Variants in OSTM1 observed in about 807,000 individuals in gnomAD.
OSTM1 encodes the protein osteoclastogenesis associated transmembrane protein 1.
A neutral mutation model predicts 35.4 loss-of-function variants in OSTM1; 26 were observed. That is an observed-to-expected ratio of 0.73 (90% confidence interval 0.54 to 1.02). The LOEUF is 1.02. Among genes scored for constraint, OSTM1 ranks in the 50% least tolerant of loss-of-function variants. The probability of loss-of-function intolerance (pLI) is 0.00; values close to 1 mark genes in which losing one functional copy is unlikely to be tolerated. For synonymous variants in OSTM1, 181 were observed against 165.0 expected, an observed-to-expected ratio of 1.10 and a Z score of -0.75; for missense variants, 366 against 409.6, an observed-to-expected ratio of 0.89 and a Z score of 0.92.
Position 108,049,412 on chromosome 6 carries a change from T to C in OSTM1, c.790A>G (p.Ile264Val), listed in dbSNP as rs1233285155. 1 of 1,613,576 alleles carries C rather than the reference T, an allele frequency of 6.2e-7. No individual in the cohort carries two copies. Among genetic ancestry groups the C allele is most frequent in the African/African-American group, 1.3e-5 (1 of 75,050 alleles). Residue 264 changes from isoleucine to valine, a missense_variant, in exon 5 of 6, where the codon ATC (isoleucine) becomes GTC (valine). This residue lies in a region of OSTM1 where 125 missense variants were observed against 151.7 expected (regional missense o/e 0.82). Coordinates refer to ENST00000193322, the MANE Select transcript of OSTM1 (RefSeq NM_014028.4). ...LCIDVEDAMNITRKLWSRTFN... is the reference protein window; with the variant it reads ...LCIDVEDAMNVTRKLWSRTFN... ...GTTCGACTCCATAGTTTTCGAGTGA[T>C]GTTCATCTGGAACAAGAGCAAACAA...
At chr6:108,063,181 T>A (rs1171186028) in intron 2 of OSTM1, among the ~76,000 whole-genome samples, 1 of 152,192 alleles carries the variant, frequency 6.6e-6, no homozygotes, top group Non-Finnish European at 1.5e-5. Context: ...TCCATCTAAT[T>A]TAAAAAATAT....
At chr6:108,064,376 C>T (rs1355552604) in intron 1 of OSTM1, 77 bp from the exon 2 acceptor site, 2 of 779,922 alleles carry the variant, frequency 2.6e-6, no homozygotes, top group South Asian at 1.4e-5. Context: ...AAAAACCTTA[C>T]AAAAATAACA....
chr6:108,051,186 T>C lies in OSTM1; in HGVS notation c.628A>G (p.Ser210Gly). Residue 210 changes from serine (S) to glycine (G), a missense_variant, in exon 4 of 6, where the codon AGT becomes GGT. Coordinates refer to ENST00000193322, the MANE Select transcript of OSTM1 (RefSeq NM_014028.4). ...FEHNLQGNAHSLLQTKNYSEV... is the reference protein window; with the variant it reads ...FEHNLQGNAHGLLQTKNYSEV... ...GAATAATTTTTTGTCTGTAAAAGAC[T>C]ATGTGCATTCCCCTAAAATGACAAA... The C allele has an allele frequency of 6.2e-7, 1 of 1,611,326 alleles. No individual in the cohort carries two copies.
In OSTM1 at chr6:108,047,091, G is replaced by GATTTAAAAAACCAATTATTTA. The variant is rs1348251373; in HGVS notation, c.949+2161_949+2162insTAAATAATTGGTTTTTTAAAT. 2.6e-5 allele frequency among the ~76,000 whole-genome samples: 4 copies of GATTTAAAAAACCAATTATTTA among 152,174 alleles called. No homozygotes were observed. In the East Asian group the frequency reaches 7.7e-4, roughly 29 times the overall value. The stretch of plus-strand genomic sequence containing the variant: ...AAAGTAGAGAATAAATGAAAAAGAT[G>GATTTAAAAAACCAATTATTTA]ATTTAAATAACCAATTATTTAATTT... On this transcript the variant is annotated intron_variant, in intron 5 of 5. Coordinates refer to ENST00000193322, the MANE Select transcript of OSTM1 (RefSeq NM_014028.4).
At chr6:108,071,460 A>T (rs1582400467) in intron 1 of OSTM1, among the ~76,000 whole-genome samples, 2 of 103,420 alleles carry the variant, frequency 1.9e-5, no homozygotes, top group African/African-American at 8.3e-5. Flanking sequence ...CACCCGGCTA[A>T]TTTTTTTTTT....
At chr6:108,063,501 T>C (rs1458748972) in intron 2 of OSTM1, among the ~76,000 whole-genome samples, 1 of 152,246 alleles carries the variant, frequency 6.6e-6, no homozygotes, top group Non-Finnish European at 1.5e-5. Flanking sequence ...TCTTTCTCAC[T>C]CATTAAATTA....
At chr6:108,049,224 T>G (rs372163484) in intron 5 of OSTM1, 29 bp downstream of exon 5, 50 of 1,508,120 alleles carry the variant, frequency 3.3e-5, no homozygotes, top group Non-Finnish European at 4.3e-5. Context: ...GGCTTTTATC[T>G]ATAAAATAAA....
chr6:108,059,767 T>C (rs1772240259), intron 2 of OSTM1, among the ~76,000 whole-genome samples: 1 of 152,182 alleles, frequency 6.6e-6, no homozygotes, highest in Non-Finnish European at 1.5e-5. Flanking sequence ...GTGAGGCCTT[T>C]AGGAAGTGAC....
chr6:108,052,224 G>C (rs1248723847), intron 3 of OSTM1, among the ~76,000 whole-genome samples: 3 of 152,094 alleles, frequency 2.0e-5, no homozygotes, highest in African/African-American at 7.2e-5. Context: ...CACAAGGTCA[G>C]GAGATCGAGA....
At chr6:108,055,357 C>T (rs2114597661) in intron 2 of OSTM1, among the ~76,000 whole-genome samples, 1 of 152,088 alleles carries the variant, frequency 6.6e-6, no homozygotes, top group South Asian at 2.1e-4. Context: ...CTCGGTTGCC[C>T]AGGCTGGAGT....
chr6:108,061,652 G>C (rs1414390474), intron 2 of OSTM1, among the ~76,000 whole-genome samples: 1 of 151,512 alleles, frequency 6.6e-6, no homozygotes, highest in Non-Finnish European at 1.5e-5. Context: ...CAGCCTCCCA[G>C]GCAGCTGGGA....
At chr6:108,046,770 T>C (rs17283933) in intron 5 of OSTM1, among the ~76,000 whole-genome samples, 8,363 of 152,286 alleles carry the variant, frequency 0.055, 361 homozygotes, top group African/African-American at 0.12. Flanking sequence ...AAAATCTACT[T>C]CTTAAGCCTT....
At chr6:108,074,130 C>T (rs1190084953) in intron 1 of OSTM1, 120 bp downstream of exon 1, 10 of 985,306 alleles carry the variant, frequency 1.0e-5, no homozygotes, top group Non-Finnish European at 1.5e-5. Context: ...TCTACAGACT[C>T]AGTCCAACCC....
intron 3 of OSTM1, among the ~76,000 whole-genome samples, chr6:108,051,505 G>A (rs1772072764): frequency 6.6e-6 from 1 of 152,190 alleles, no homozygotes; most frequent in Non-Finnish European, 1.5e-5. Flanking sequence ...AATGTTAACT[G>A]AGGATAACAA....
chr6:108,070,736 A>C (rs892189562), intron 1 of OSTM1, among the ~76,000 whole-genome samples: 7 of 151,912 alleles, frequency 4.6e-5, no homozygotes, highest in Non-Finnish European at 1.0e-4. Context: ...CTAAAAATAC[A>C]AAAATTAGCC....
intron 3 of OSTM1, 99 bp from the exon 4 acceptor site, chr6:108,051,297 T>C: frequency 2.2e-6 from 2 of 897,798 alleles, no homozygotes; most frequent in East Asian, 2.6e-5. Context: ...GGAAACAATA[T>C]GGTGTGTTAA....
intron 5 of OSTM1, among the ~76,000 whole-genome samples, chr6:108,045,161 A>G (rs551434556): frequency 6.6e-6 from 1 of 152,284 alleles, no homozygotes; most frequent in African/African-American, 2.4e-5. Context: ...GCTATAAGGT[A>G]GAATAACAAA....
At position 108,066,891 on chromosome 6, in the gene OSTM1, C is replaced by A. The variant is rs567273599; in HGVS notation, c.403-2592G>T. On this transcript the variant is annotated intron_variant, in intron 1 of 5. Coordinates refer to ENST00000193322, the MANE Select transcript of OSTM1 (RefSeq NM_014028.4). ...CTGTCACATCTTTGTATTCCCAACACCTCGCCAAGTGACCAAAAAATCAAT... is the reference window on the plus strand; with the variant it reads ...CTGTCACATCTTTGTATTCCCAACAACTCGCCAAGTGACCAAAAAATCAAT... Among the ~76,000 whole-genome samples, 4 of 152,292 alleles carry A rather than the reference C, an allele frequency of 2.6e-5. No individual in the cohort carries two copies. The East Asian group carries it at 7.7e-4, about 29-fold the overall frequency.
rs746696106 is a variant in OSTM1, at chr6:108,074,340, G to A, written c.312C>T (p.Arg104=). The part of the protein sequence containing the change: ...SSAELTGCLV[R]SARPVRLCQT... ...GACAGAGGCGCACGGGCCGGGCGCT[G>A]CGCACCAGACACCCTGTCAGCTCTG... Residue 104 remains arginine (R), a synonymous_variant, in exon 1 of 6, where the codon CGC becomes CGT. Transcript: ENST00000193322. 1.8e-5 allele frequency: 29 copies of A among 1,609,304 alleles called. No individual in the cohort carries two copies. Among genetic ancestry groups the A allele is most frequent in the Non-Finnish European group, 2.4e-5 (28 of 1,178,732 alleles).
Sources: gnomAD v4.1 joint callset for allele counts (sites outside exome capture counted in the v4.1 genomes callset) on GRCh38, gnomAD v4.1.1 for gene constraint, gnomAD v4.1.1 regional missense constraint, MANE v1.5 for transcripts, NCBI Gene and HGNC (gene_info 2026-07-23, HGNC 2026-07-21) for gene names.